Variants in UNC5C observed in about 807,000 individuals in gnomAD.
The protein encoded by UNC5C is unc-5 netrin receptor C.
UNC5C carries 47 observed loss-of-function variants against 99.8 expected under a neutral mutation model. That is an observed-to-expected ratio of 0.47 (90% confidence interval 0.37 to 0.60). The LOEUF (loss-of-function observed/expected upper bound fraction) is 0.60, where lower values mean the gene tolerates loss of function less well. Ranked by LOEUF, UNC5C falls within the 20% of genes least tolerant of loss-of-function variation. The probability of loss-of-function intolerance (pLI) is 0.00; values close to 1 mark genes in which losing one functional copy is unlikely to be tolerated. For missense variants in UNC5C, 1,062 were observed against 1,165.9 expected (o/e 0.91, Z 1.30); for synonymous variants, 487 against 452.2 (o/e 1.08, Z -0.98).
chr4:95,181,749 C>T (rs1736621081), intron 14 of UNC5C, among the ~76,000 whole-genome samples: 1 of 151,930 alleles, frequency 6.6e-6, no homozygotes, highest in African/African-American at 2.4e-5. Flanking sequence ...AAATGATGAC[C>T]GCACCTCGGC....
chr4:95,273,307 G>A (rs1388631373), intron 4 of UNC5C, among the ~76,000 whole-genome samples: 2 of 152,178 alleles, frequency 1.3e-5, no homozygotes, highest in Non-Finnish European at 2.9e-5. Flanking sequence ...ACAGGTTTTA[G>A]AGAAAAATTC....
chr4:95,202,822 A>G lies in UNC5C; in HGVS notation c.2045T>C (p.Leu682Pro). The stretch of plus-strand genomic sequence containing the variant: ...CAGGGGCCCAAAGATGGCCAGCTTG[A>G]GGCGCTTCGCAGCCGCTTTGGTGGT... Reference protein sequence around the residue: ...HSTTKAAAKRLKLAIFGPLCC... With the variant: ...HSTTKAAAKRPKLAIFGPLCC... The change falls in exon 12 of 16, where the codon CTC becomes CCC. Residue 682 changes from leucine (L) to proline (P), a missense_variant. Around this residue, in one of 3 missense-constraint regions of UNC5C, gnomAD observed 810 missense variants for 854.5 expected, o/e 0.95. Transcript: ENST00000453304. The G allele has an allele frequency of 6.2e-7, 1 of 1,614,196 alleles. No individual in the cohort carries two copies. Among genetic ancestry groups the G allele is most frequent in the Non-Finnish European group, 8.5e-7 (1 of 1,180,038 alleles).
intron 1 of UNC5C, among the ~76,000 whole-genome samples, chr4:95,438,919 A>G (rs150996636): frequency 3.4e-4 from 52 of 152,282 alleles, no homozygotes; most frequent in African/African-American, 1.2e-3. Context: ...CCAGTTATCC[A>G]TAATCATTGA....
chr4:95,192,113 C>A (rs939224281), intron 12 of UNC5C, among the ~76,000 whole-genome samples: 2 of 141,300 alleles, frequency 1.4e-5, no homozygotes, highest in African/African-American at 2.6e-5. Context: ...CACTTCCTCC[C>A]CTCCTCCCCT....
intron 1 of UNC5C, among the ~76,000 whole-genome samples, chr4:95,397,491 T>A (rs1745549664): frequency 6.6e-6 from 1 of 152,216 alleles, no homozygotes; most frequent in Admixed American, 6.5e-5. Flanking sequence ...AAGAACCTGG[T>A]GTCTTTATAG....
chr4:95,323,785 C>T (rs748544097), intron 2 of UNC5C, among the ~76,000 whole-genome samples: 4 of 152,128 alleles, frequency 2.6e-5, no homozygotes, highest in Admixed American at 6.5e-5. Flanking sequence ...TGCCTGTAAT[C>T]CCAGCACTTT....
chr4:95,411,295 AC>A (rs140077293), intron 1 of UNC5C, among the ~76,000 whole-genome samples: 3 of 151,978 alleles, frequency 2.0e-5, no homozygotes, highest in Non-Finnish European at 4.4e-5. Context: ...GGCAAAAAAA[AC>A]CCTCAGATGT....
intron 1 of UNC5C, among the ~76,000 whole-genome samples, chr4:95,358,490 C>T (rs968024867): frequency 2.6e-5 from 4 of 152,162 alleles, no homozygotes; most frequent in South Asian, 4.1e-4. Flanking sequence ...TAGCAATGAA[C>T]AGTGCTGGTT....
At chr4:95,250,099 C>G (rs1389048298) in intron 5 of UNC5C, among the ~76,000 whole-genome samples, 2 of 152,080 alleles carry the variant, frequency 1.3e-5, no homozygotes, top group African/African-American at 2.4e-5. Context: ...CTTCGCTTTC[C>G]TAGAAGCTGA....
intron 12 of UNC5C, among the ~76,000 whole-genome samples, chr4:95,200,464 C>T (rs1386488667): frequency 6.6e-6 from 1 of 152,222 alleles, no homozygotes; most frequent in Non-Finnish European, 1.5e-5. Flanking sequence ...CCTGCTTTCT[C>T]CACTTAACAG....
At chr4:95,472,397 A>G (rs142713108) in intron 1 of UNC5C, among the ~76,000 whole-genome samples, 158 of 152,258 alleles carry the variant, frequency 1.0e-3, no homozygotes, top group African/African-American at 3.4e-3. Flanking sequence ...TATGAGGATC[A>G]TGAGGGGGAG....
chr4:95,420,126 T>C (rs1746275160), intron 1 of UNC5C, among the ~76,000 whole-genome samples: 1 of 152,210 alleles, frequency 6.6e-6, no homozygotes, highest in Non-Finnish European at 1.5e-5. Context: ...TAATTTATTC[T>C]ACACTTACTG....
At chr4:95,430,018 G>A (rs1227997494) in intron 1 of UNC5C, among the ~76,000 whole-genome samples, 2 of 152,076 alleles carry the variant, frequency 1.3e-5, no homozygotes, top group Non-Finnish European at 2.9e-5. Context: ...AGGGAGAGAT[G>A]AACTGGTAGA....
chr4:95,202,747 G>T lies in UNC5C; in HGVS notation c.2120C>A (p.Thr707Asn), dbSNP rs754568367. ...GGCACTTACCTTCAGGGCATCCTGG[G>T]TGTCATCCAGACAGTAGACTCGGAT... ...YSIRVYCLDD[T>N]QDALKEILHL... The change falls in exon 12 of 16, where the codon ACC becomes AAC. Residue 707 changes from threonine to asparagine, a missense_variant. Coordinates refer to ENST00000453304, the MANE Select transcript of UNC5C (RefSeq NM_003728.4). 5 of 1,614,192 alleles carry T rather than the reference G, an allele frequency of 3.1e-6. No individual in the cohort carries two copies. In the Middle Eastern group the frequency reaches 6.6e-4, roughly 213 times the overall value.
At chr4:95,348,172 A>G (rs1480973761) in intron 1 of UNC5C, among the ~76,000 whole-genome samples, 2 of 152,128 alleles carry the variant, frequency 1.3e-5, no homozygotes, top group Non-Finnish European at 2.9e-5. Context: ...AACATCATTG[A>G]TCATTATAGA....
chr4:95,236,342 C>G (rs1739110974), intron 7 of UNC5C, among the ~76,000 whole-genome samples: 1 of 151,162 alleles, frequency 6.6e-6, no homozygotes, highest in Non-Finnish European at 1.5e-5. Flanking sequence ...GACAAAAAAC[C>G]AAACATCGCA....
rs529245772 is a variant in UNC5C at position 95,219,152 on chromosome 4, C to T, written c.1462G>A (p.Val488Ile). ...KIKVYNTSGA[V>I]TPQDDLSEFT... ...TCAGAGAGGTCATCTTGGGGGGTGA[C>T]AGCACCTGAGGTGTTGTACACTTTG... is the stretch of plus-strand genomic sequence containing the variant. Residue 488 changes from valine (V) to isoleucine (I), a missense_variant, in exon 9 of 16, where the codon GTC becomes ATC. This residue lies in a region of UNC5C where 810 missense variants were observed against 854.5 expected (regional missense o/e 0.95). Transcript: ENST00000453304. 3.5e-5 allele frequency: 57 copies of T among 1,614,124 alleles called. No individual in the cohort carries two copies. The South Asian group carries it at 5.6e-4, about 16-fold the overall frequency.
chr4:95,426,696 G>C (rs1399993870), intron 1 of UNC5C, among the ~76,000 whole-genome samples: 1 of 152,160 alleles, frequency 6.6e-6, no homozygotes, highest in South Asian at 2.1e-4. Context: ...ACGTTTTAGT[G>C]GTCTGGATAG....
chr4:95,194,036 A>C (rs934465353), intron 12 of UNC5C, among the ~76,000 whole-genome samples: 1 of 152,262 alleles, frequency 6.6e-6, no homozygotes, highest in Admixed American at 6.5e-5. Flanking sequence ...CTCCCCGTCA[A>C]GTTGCTTCGT....
Sources: allele counts gnomAD v4.1 joint callset (sites outside exome capture counted in the v4.1 genomes callset), GRCh38; gene constraint gnomAD v4.1.1; regional missense constraint gnomAD v4.1.1; transcripts MANE v1.5; gene names NCBI Gene and HGNC (gene_info 2026-07-23, HGNC 2026-07-21).